NXPE2: variants seen among roughly 807,000 people sequenced by gnomAD.
The protein encoded by NXPE2 is neurexophilin and PC-esterase domain family member 2, also known as NXPE family member 2.
In NXPE2, 34 loss-of-function variants were observed where a neutral mutation model predicts 34.4. The ratio of observed to expected loss-of-function variants is 0.99; its 90% CI spans 0.75 to 1.31. The LOEUF (loss-of-function observed/expected upper bound fraction) is 1.31. Among genes scored for constraint, NXPE2 ranks in the 40% most tolerant of loss-of-function variants. The probability of loss-of-function intolerance (pLI) is 0.00; values close to 1 mark genes in which losing one functional copy is unlikely to be tolerated. For missense variants in NXPE2, 649 were observed against 672.5 expected (o/e 0.97, Z 0.39); for synonymous variants, 235 against 231.3 (o/e 1.02, Z -0.15).
chr11:114,711,910 C>T (rs1859621372), downstream of NXPE2, among the ~76,000 whole-genome samples: 1 of 151,938 alleles, frequency 6.6e-6, no homozygotes, highest in Non-Finnish European at 1.5e-5. Flanking sequence ...CTATGTAGAC[C>T]AATGGAACAG....
At chr11:114,518,537 A>G in the NXPE2 span, among the ~76,000 whole-genome samples, 8 of 152,318 alleles carry the variant, frequency 5.3e-5, no homozygotes, top group Admixed American at 5.2e-4. Flanking sequence ...GGATGTCTGA[A>G]GATCTTTTGG....
chr11:114,782,872 C>T, the NXPE2 span, among the ~76,000 whole-genome samples: 1 of 152,178 alleles, frequency 6.6e-6, no homozygotes, highest in African/African-American at 2.4e-5. Context: ...TTCCAGCCAA[C>T]CCAGAGACCT....
chr11:114,592,536 C>T, the NXPE2 span, among the ~76,000 whole-genome samples: 1 of 152,090 alleles, frequency 6.6e-6, no homozygotes, highest in East Asian at 1.9e-4. Flanking sequence ...CACACTCACA[C>T]ACACACACAC....
chr11:114,787,343 G>A, the NXPE2 span, among the ~76,000 whole-genome samples: 4 of 152,110 alleles, frequency 2.6e-5, no homozygotes, highest in African/African-American at 9.7e-5. Flanking sequence ...CTCCTCCGTG[G>A]GTGCCTGGTG....
At chr11:114,483,904 C>A in the NXPE2 span, among the ~76,000 whole-genome samples, 4 of 152,174 alleles carry the variant, frequency 2.6e-5, no homozygotes, top group Non-Finnish European at 5.9e-5. Context: ...CTGCTGCTTC[C>A]CACTGACCCC....
chr11:114,741,573 T>C, the NXPE2 span, among the ~76,000 whole-genome samples: 14 of 152,206 alleles, frequency 9.2e-5, no homozygotes, highest in Admixed American at 9.2e-4. Context: ...GATTCTTTCT[T>C]TTGCTTGACC....
the NXPE2 span, among the ~76,000 whole-genome samples, chr11:114,761,740 A>AT: frequency 1.4e-4 from 21 of 148,892 alleles, no homozygotes; most frequent in African/African-American, 4.7e-4. Flanking sequence ...CGCCCGGCTA[A>AT]TTTTTTTGTA....
At chr11:114,608,401 A>C in the NXPE2 span, among the ~76,000 whole-genome samples, 1 of 151,966 alleles carries the variant, frequency 6.6e-6, no homozygotes, top group East Asian at 1.9e-4. Context: ...ATGGGTAACC[A>C]CTGTTACCTG....
chr11:114,796,886 G>C, the NXPE2 span, among the ~76,000 whole-genome samples: 1 of 152,210 alleles, frequency 6.6e-6, no homozygotes, highest in Non-Finnish European at 1.5e-5. Context: ...GGTGGGAAAG[G>C]AGTTAAAGTT....
At chr11:114,652,521 C>T in the NXPE2 span, among the ~76,000 whole-genome samples, 2 of 152,162 alleles carry the variant, frequency 1.3e-5, no homozygotes, top group South Asian at 4.1e-4. Context: ...GAATTCATCT[C>T]TAAGGGCTGT....
chr11:114,804,811 G>C, the NXPE2 span, among the ~76,000 whole-genome samples: 3 of 152,130 alleles, frequency 2.0e-5, no homozygotes, highest in East Asian at 5.8e-4. Context: ...GATGTGGCTG[G>C]AGGAGGAAGA....
the NXPE2 span, among the ~76,000 whole-genome samples, chr11:114,662,161 G>T: frequency 3.3e-4 from 50 of 152,258 alleles, no homozygotes; most frequent in Middle Eastern, 3.4e-3. Context: ...ATCTTGAATT[G>T]CCAACACAAC....
chr11:114,591,853 GAT>G, the NXPE2 span, among the ~76,000 whole-genome samples: 1 of 152,116 alleles, frequency 6.6e-6, no homozygotes, highest in Non-Finnish European at 1.5e-5. Flanking sequence ...GATTATCTGA[GAT>G]ATTGACCAGG....
chr11:114,645,565 A>G, the NXPE2 span, among the ~76,000 whole-genome samples: 5 of 152,210 alleles, frequency 3.3e-5, no homozygotes, highest in African/African-American at 9.6e-5. Context: ...TCAGTGCAAT[A>G]AAAGATACCC....
At chr11:114,598,239 T>C in the NXPE2 span, among the ~76,000 whole-genome samples, 9 of 152,256 alleles carry the variant, frequency 5.9e-5, no homozygotes, top group East Asian at 1.7e-3. Context: ...CAGGGCACAC[T>C]AACGCAAGGG....
chr11:114,627,241 A>G, the NXPE2 span, among the ~76,000 whole-genome samples: 1 of 152,108 alleles, frequency 6.6e-6, no homozygotes, highest in East Asian at 1.9e-4. Flanking sequence ...GTTGAAATGA[A>G]GGAAAAAATG....
At chr11:114,584,028 T>C in the NXPE2 span, 1 of 342,630 alleles carries the variant, frequency 2.9e-6, no homozygotes, top group Admixed American at 3.4e-5. Flanking sequence ...GTGGTGATCT[T>C]ACAGCATGGC....
the NXPE2 span, among the ~76,000 whole-genome samples, chr11:114,591,270 T>C: frequency 1.3e-5 from 2 of 152,210 alleles, no homozygotes; most frequent in African/African-American, 4.8e-5. Flanking sequence ...ACATTTACAT[T>C]GACTCCAAGT....
At chr11:114,777,087 T>A in the NXPE2 span, among the ~76,000 whole-genome samples, 1 of 152,202 alleles carries the variant, frequency 6.6e-6, no homozygotes, top group Non-Finnish European at 1.5e-5. Flanking sequence ...CAACACTTTG[T>A]TTCACAATGA....
Sources: allele counts gnomAD v4.1 joint callset (sites outside exome capture counted in the v4.1 genomes callset), GRCh38; gene constraint gnomAD v4.1.1; transcripts MANE v1.5; gene names NCBI Gene and HGNC (gene_info 2026-07-23, HGNC 2026-07-21).